SAMD5: variants seen among roughly 807,000 people sequenced by gnomAD.
SAMD5 encodes the protein sterile alpha motif domain containing 5.
A neutral mutation model predicts 11.3 loss-of-function variants in SAMD5; 13 were observed. The observed-to-expected ratio is 1.15, with a 90% confidence interval of 0.75 to 1.83. The LOEUF is 1.83. SAMD5 is among the 40% of genes most tolerant of loss of function. The pLI is 0.00. For synonymous variants in SAMD5, 129 were observed against 111.3 expected (o/e 1.16, Z -1.00); for missense variants, 255 against 239.1 (o/e 1.07, Z -0.44).
intron 1 of SAMD5, among the ~76,000 whole-genome samples, chr6:147,519,442 C>A (rs1293340472): frequency 6.6e-6 from 1 of 152,112 alleles, no homozygotes; most frequent in African/African-American, 2.4e-5. Flanking sequence ...ATTTCATCTG[C>A]AAAACAGAAT....
intron 1 of SAMD5, among the ~76,000 whole-genome samples, chr6:147,561,617 A>G (rs1014800608): frequency 6.6e-6 from 1 of 152,102 alleles, no homozygotes; most frequent in Non-Finnish European, 1.5e-5. Context: ...GTGAAGAAAG[A>G]GCTTTTATTT....
the SAMD5 span, among the ~76,000 whole-genome samples, chr6:147,854,085 A>G: frequency 6.6e-6 from 1 of 152,318 alleles, no homozygotes; most frequent in South Asian, 2.1e-4. Flanking sequence ...GCCTAAGTTG[A>G]AAATCATCGC....
the SAMD5 span, among the ~76,000 whole-genome samples, chr6:147,749,410 C>A: frequency 2.6e-5 from 4 of 152,144 alleles, no homozygotes; most frequent in Non-Finnish European, 5.9e-5. Context: ...CCTCGTGGTC[C>A]ACCCACCTTG....
Position 147,522,288 on chromosome 6 carries a change from G to C in SAMD5, c.459+12901G>C, listed in dbSNP as rs149236087. 5.0e-3 allele frequency among the ~76,000 whole-genome samples: 763 copies of C among 152,244 alleles called. 7 individuals are homozygous for C. The highest frequency in any genetic ancestry group is 0.017 in the African/African-American group (699 of 41,564). Reference sequence around the variant, plus strand: ...CCCAATTTAAATGGAAATACTGAAAGTATTTTGCTATTATCCTGCTGCTGG... The same window carrying C: ...CCCAATTTAAATGGAAATACTGAAACTATTTTGCTATTATCCTGCTGCTGG... On this transcript the variant is annotated intron_variant, in intron 1 of 1. Coordinates refer to ENST00000367474, the MANE Select transcript of SAMD5 (RefSeq NM_001030060.3).
At chr6:147,881,357 A>C in the SAMD5 span, among the ~76,000 whole-genome samples, 2 of 152,254 alleles carry the variant, frequency 1.3e-5, no homozygotes, top group Admixed American at 6.5e-5. Context: ...CTCAAAATGA[A>C]ACTTTCTCCA....
chr6:147,568,500 A>G lies in SAMD5; in HGVS notation c.*4044A>G. The G allele has an allele frequency of 2.0e-6, 2 of 985,440 alleles. No individual in the cohort carries two copies. Among genetic ancestry groups the G allele is most frequent in the Non-Finnish European group, 2.4e-6 (2 of 829,900 alleles). The allele number at this position is 985,440 out of a possible 1,614,324, so 61.0% of individuals were successfully genotyped here. On this transcript the variant is annotated 3_prime_UTR_variant, in exon 2 of 2. Coordinates refer to ENST00000367474, the MANE Select transcript of SAMD5 (RefSeq NM_001030060.3). ...GCAAATAAGGCATGAAGGGTGGAAC[A>G]TTGCATCTAGGGAAAATAAGAGAAA...
At chr6:147,645,135 G>T (rs1240224119) in intron 1 of SAMD5, among the ~76,000 whole-genome samples, 1 of 152,074 alleles carries the variant, frequency 6.6e-6, no homozygotes, top group East Asian at 1.9e-4. Context: ...GGCTCCGTGG[G>T]ACTTCCAGGC....
At chr6:147,562,533 A>G (rs1303220091) in intron 1 of SAMD5, among the ~76,000 whole-genome samples, 1 of 152,198 alleles carries the variant, frequency 6.6e-6, no homozygotes, top group Non-Finnish European at 1.5e-5. Context: ...ATTAAAAACC[A>G]AAGTGTTGGC....
chr6:147,918,100 T>A, the SAMD5 span, among the ~76,000 whole-genome samples: 1 of 152,212 alleles, frequency 6.6e-6, no homozygotes, highest in Non-Finnish European at 1.5e-5. Context: ...TTGAAGAAAG[T>A]CATTGATAGC....
chr6:147,871,338 CT>C, the SAMD5 span, among the ~76,000 whole-genome samples: 2 of 152,006 alleles, frequency 1.3e-5, no homozygotes, highest in Non-Finnish European at 2.9e-5. Context: ...TACATTTAGG[CT>C]TAAGAATAAA....
At chr6:147,713,086 A>G (rs567401635) in intron 1 of SAMD5, among the ~76,000 whole-genome samples, 1 of 151,932 alleles carries the variant, frequency 6.6e-6, no homozygotes, top group East Asian at 1.9e-4. Context: ...TGCTACTTAA[A>G]GGAAAGAATG....
the SAMD5 span, among the ~76,000 whole-genome samples, chr6:147,833,892 T>G: frequency 6.6e-6 from 1 of 152,186 alleles, no homozygotes; most frequent in African/African-American, 2.4e-5. Context: ...GACATATTGG[T>G]CCTCTGTCTC....
At chr6:147,788,855 G>T in the SAMD5 span, among the ~76,000 whole-genome samples, 252 of 150,772 alleles carry the variant, frequency 1.7e-3, 1 homozygote, top group African/African-American at 6.0e-3. Context: ...AGGCCAAGGC[G>T]GGAGGATCAC....
At chr6:147,868,000 T>A in the SAMD5 span, among the ~76,000 whole-genome samples, 1 of 152,228 alleles carries the variant, frequency 6.6e-6, no homozygotes, top group East Asian at 1.9e-4. Flanking sequence ...AATTTACTTA[T>A]CCTTATTGCA....
the SAMD5 span, among the ~76,000 whole-genome samples, chr6:147,854,443 C>T: frequency 6.6e-6 from 1 of 152,032 alleles, no homozygotes; most frequent in Non-Finnish European, 1.5e-5. Context: ...GAAAAACCTG[C>T]GAAGTGGAGG....
chr6:147,940,768 C>A, the SAMD5 span, among the ~76,000 whole-genome samples: 1 of 152,070 alleles, frequency 6.6e-6, no homozygotes, highest in Admixed American at 6.6e-5. Context: ...TTAAGACCAG[C>A]CTGGCCAATA....
intron 1 of SAMD5, among the ~76,000 whole-genome samples, chr6:147,670,856 A>G (rs1171764828): frequency 6.6e-6 from 1 of 152,246 alleles, no homozygotes. Flanking sequence ...CCGTAGTAGC[A>G]CTTTACATTT....
chr6:147,518,199 C>G (rs141038590), intron 1 of SAMD5, among the ~76,000 whole-genome samples: 113 of 152,202 alleles, frequency 7.4e-4, no homozygotes, highest in African/African-American at 2.6e-3. Flanking sequence ...GATAGTGTAA[C>G]GGTGTTTTTA....
the SAMD5 span, among the ~76,000 whole-genome samples, chr6:147,765,291 T>C: frequency 6.6e-6 from 1 of 152,190 alleles, no homozygotes; most frequent in Non-Finnish European, 1.5e-5. Flanking sequence ...GTTCGATGAA[T>C]AAAGACTCTC....
Sources: allele counts gnomAD v4.1 joint callset (sites outside exome capture counted in the v4.1 genomes callset), GRCh38; gene constraint gnomAD v4.1.1; transcripts MANE v1.5; gene names NCBI Gene and HGNC (gene_info 2026-07-23, HGNC 2026-07-21).